TYW1: variants seen among roughly 807,000 people sequenced by gnomAD.
TYW1 encodes the protein tRNA-yW synthesizing protein 1 homolog, also known as S-adenosyl-L-methionine-dependent tRNA 4-demethylwyosine synthase TYW1.
TYW1 carries 46 observed loss-of-function variants against 96.2 expected under a neutral mutation model. The observed-to-expected ratio is 0.48, with a 90% CI of 0.38 to 0.61. TYW1 has a LOEUF of 0.61. TYW1 is among the 20% of genes least tolerant of loss of function. The probability of loss-of-function intolerance (pLI) is 0.00; values close to 1 mark genes in which losing one functional copy is unlikely to be tolerated. For missense variants in TYW1, 684 were observed against 909.6 expected (o/e 0.75, Z 3.19); for synonymous variants, 274 against 323.0 (o/e 0.85, Z 1.63).
chr7:67,230,428 C>T (rs1801714029), intron 15 of TYW1, among the ~76,000 whole-genome samples: 1 of 150,244 alleles, frequency 6.7e-6, no homozygotes, highest in African/African-American at 2.5e-5. Context: ...TCTACATGGA[C>T]AGTTAAAAAG....
At chr7:67,200,540 C>T (rs1471638027) in intron 15 of TYW1, among the ~76,000 whole-genome samples, 1 of 152,054 alleles carries the variant, frequency 6.6e-6, no homozygotes, top group African/African-American at 2.4e-5. Context: ...GGGAAACCAC[C>T]CCATGATTCA....
chr7:67,065,669 T>C (rs1795833082), intron 9 of TYW1, among the ~76,000 whole-genome samples: 1 of 150,984 alleles, frequency 6.6e-6, no homozygotes, highest in South Asian at 2.1e-4. Context: ...AAACAAAAAA[T>C]AGTTAAAAGG....
At chr7:67,166,297 C>T (rs1387221803) in intron 13 of TYW1, among the ~76,000 whole-genome samples, 1 of 138,614 alleles carries the variant, frequency 7.2e-6, no homozygotes, top group Admixed American at 7.3e-5. Flanking sequence ...AATGCCTCCT[C>T]CCAGTACTTT....
intron 6 of TYW1, among the ~76,000 whole-genome samples, chr7:67,021,238 C>T (rs940864502): frequency 1.1e-4 from 16 of 152,282 alleles, no homozygotes; most frequent in Non-Finnish European, 1.5e-4. Context: ...TGTGTTACTT[C>T]TCTGTTCAGA....
intron 7 of TYW1, among the ~76,000 whole-genome samples, chr7:67,027,682 G>T (rs1282967915): frequency 6.6e-6 from 1 of 152,132 alleles, no homozygotes. Context: ...TGTAATTCCA[G>T]CACTTTGGGA....
chr7:67,217,175 A>G (rs1410492065), intron 15 of TYW1, among the ~76,000 whole-genome samples: 5 of 152,072 alleles, frequency 3.3e-5, no homozygotes, highest in Non-Finnish European at 1.5e-5. Context: ...ATCCCTTACC[A>G]GATACATCAT....
chr7:67,071,183 A>AAAAG (rs1796016076), intron 10 of TYW1, among the ~76,000 whole-genome samples: 1 of 151,656 alleles, frequency 6.6e-6, no homozygotes, highest in South Asian at 2.1e-4. Context: ...TTAACTCTGG[A>AAAAG]AGTCAGATTT....
At chr7:67,028,932 CTA>C (rs1794549204) in intron 7 of TYW1, among the ~76,000 whole-genome samples, 1 of 151,772 alleles carries the variant, frequency 6.6e-6, no homozygotes, top group Non-Finnish European at 1.5e-5. Flanking sequence ...CTGAATAACA[CTA>C]TGGTGGATTG....
intron 14 of TYW1, among the ~76,000 whole-genome samples, chr7:67,189,956 A>C (rs1383785068): frequency 1.3e-5 from 2 of 151,126 alleles, no homozygotes; most frequent in Non-Finnish European, 2.9e-5. Flanking sequence ...TCATGTTACA[A>C]CCATCTGTCT....
chr7:67,004,071 A>AACAAAAC (rs1457494743), intron 3 of TYW1, among the ~76,000 whole-genome samples: 1 of 152,076 alleles, frequency 6.6e-6, no homozygotes. Context: ...AAAAACAAAA[A>AACAAAAC]AAACAATCTA....
At chr7:67,120,583 G>A (rs897660962) in intron 13 of TYW1, among the ~76,000 whole-genome samples, 1 of 152,182 alleles carries the variant, frequency 6.6e-6, no homozygotes, top group African/African-American at 2.4e-5. Context: ...GTTTCTAAGC[G>A]GTCTTGGATT....
At chr7:67,020,219 A>C (rs1348727010) in intron 6 of TYW1, among the ~76,000 whole-genome samples, 2 of 152,270 alleles carry the variant, frequency 1.3e-5, no homozygotes, top group Non-Finnish European at 2.9e-5. Flanking sequence ...GTTTCCACAA[A>C]AACAAAAATT....
At chr7:67,091,865 T>C (rs1345760004) in intron 11 of TYW1, among the ~76,000 whole-genome samples, 2 of 152,234 alleles carry the variant, frequency 1.3e-5, no homozygotes, top group African/African-American at 4.8e-5. Flanking sequence ...TGTTTGTTTT[T>C]GTGATTGTCT....
At chr7:66,998,032 T>C (rs761927899) in intron 1 of TYW1, 33 bp from the exon 2 acceptor site, 9 of 1,561,042 alleles carry the variant, frequency 5.8e-6, no homozygotes, top group Non-Finnish European at 6.9e-6. Flanking sequence ...TATGTAGCTT[T>C]AAATGAAATT....
intron 11 of TYW1, 79 bp from the exon 12 acceptor site, chr7:67,098,462 A>T (rs1796986110): frequency 1.4e-6 from 2 of 1,437,668 alleles, no homozygotes; most frequent in Non-Finnish European, 1.8e-6. Context: ...TATAAAATCA[A>T]AGCATCATTA....
intron 15 of TYW1, among the ~76,000 whole-genome samples, chr7:67,217,191 AT>A (rs1254607919): frequency 2.0e-5 from 3 of 151,580 alleles, no homozygotes; most frequent in Non-Finnish European, 2.9e-5. Context: ...ATCATTTGCA[AT>A]TTTTTTCCCC....
chr7:67,050,926 C>G (rs1283324521), intron 8 of TYW1, among the ~76,000 whole-genome samples: 1 of 151,388 alleles, frequency 6.6e-6, no homozygotes, highest in African/African-American at 2.4e-5. Context: ...GACAGAGTCT[C>G]TCTCACCCAG....
chr7:67,132,358 C>G (rs1359161376), intron 13 of TYW1, among the ~76,000 whole-genome samples: 3 of 152,028 alleles, frequency 2.0e-5, no homozygotes, highest in Non-Finnish European at 4.4e-5. Context: ...GATCCTCTCG[C>G]TTTGGCCTCC....
intron 13 of TYW1, among the ~76,000 whole-genome samples, chr7:67,165,277 T>A (rs1799284767): frequency 6.6e-6 from 1 of 152,252 alleles, no homozygotes; most frequent in Non-Finnish European, 1.5e-5. Context: ...GAGTATGTGT[T>A]GAATTGCAAC....
Sources: allele counts gnomAD v4.1 joint callset (sites outside exome capture counted in the v4.1 genomes callset), GRCh38; gene constraint gnomAD v4.1.1; transcripts MANE v1.5; gene names NCBI Gene and HGNC (gene_info 2026-07-23, HGNC 2026-07-21).